The following CA8 variants were observed in gnomAD, a reference collection of about 807,000 sequenced individuals.
CA8 encodes the protein carbonic anhydrase-related protein.
A neutral mutation model predicts 41.4 loss-of-function variants in CA8; 22 were observed. That is an observed-to-expected ratio of 0.53 (90% CI 0.38 to 0.76). The LOEUF (loss-of-function observed/expected upper bound fraction) is 0.76. CA8 is among the 30% of genes least tolerant of loss of function. The pLI is 0.00. For synonymous variants in CA8, 121 were observed against 130.6 expected (o/e 0.93, Z 0.50); for missense variants, 270 against 352.8 (o/e 0.77, Z 1.88).
At chr8:60,275,347 T>A (rs191429014) in intron 2 of CA8, among the ~76,000 whole-genome samples, 7 of 150,862 alleles carry the variant, frequency 4.6e-5, no homozygotes, top group Middle Eastern at 3.4e-3. Context: ...GATGCCAATA[T>A]AAATAGAAAA....
At chr8:60,233,152 T>C (rs1451407852) in intron 3 of CA8, among the ~76,000 whole-genome samples, 1 of 152,238 alleles carries the variant, frequency 6.6e-6, no homozygotes, top group Non-Finnish European at 1.5e-5. Flanking sequence ...CCTAGTATAA[T>C]AGTAGGTAGG....
chr8:60,204,099 C>T (rs1043870017), intron 8 of CA8, among the ~76,000 whole-genome samples: 11 of 152,228 alleles, frequency 7.2e-5, no homozygotes, highest in African/African-American at 2.7e-4. Flanking sequence ...CACCTACTTA[C>T]AGGAAAGGTC....
chr8:60,241,444 T>C (rs1250449913), intron 3 of CA8, among the ~76,000 whole-genome samples: 1 of 152,232 alleles, frequency 6.6e-6, no homozygotes, highest in Non-Finnish European at 1.5e-5. Context: ...ACTAGTGCTA[T>C]GTAATTTATA....
At chr8:60,265,872 T>C in intron 3 of CA8, 53 bp downstream of exon 3, 1 of 1,582,808 alleles carries the variant, frequency 6.3e-7, no homozygotes, top group African/African-American at 1.3e-5. Context: ...AGTAAATCGC[T>C]GAATACTTTA....
chr8:60,208,632 T>G, intron 8 of CA8, 118 bp downstream of exon 8: 1 of 862,578 alleles, frequency 1.2e-6, no homozygotes, highest in Admixed American at 2.0e-5. Context: ...ATAAATTTTA[T>G]CAAGATGAAG....
chr8:60,186,464 A>G lies in CA8; in HGVS notation c.*3557T>C, dbSNP rs1207110815. Among the ~76,000 whole-genome samples the G allele has an allele frequency of 1.3e-5, 2 of 151,948 alleles. No individual in the cohort carries two copies. The highest frequency in any genetic ancestry group is 4.1e-4 in the South Asian group (2 of 4,830). ...TAGAAAATATTCACCTAATTAAAAA[A>G]AAAGTAATAGAGGAGGAATAAAGGA... is the stretch of plus-strand genomic sequence containing the variant. On this transcript the variant is annotated 3_prime_UTR_variant, in exon 9 of 9. Coordinates refer to ENST00000317995, the MANE Select transcript of CA8 (RefSeq NM_004056.6).
At chr8:60,253,657 T>A (rs1465581885) in intron 3 of CA8, among the ~76,000 whole-genome samples, 2 of 152,136 alleles carry the variant, frequency 1.3e-5, no homozygotes, top group African/African-American at 4.8e-5. Context: ...CTCCTCAACT[T>A]GACTCCAGGA....
chr8:60,208,029 T>C (rs984118711), intron 8 of CA8: 13 of 152,280 alleles, frequency 8.5e-5, no homozygotes, highest in Non-Finnish European at 1.6e-4. Flanking sequence ...TACAATGACC[T>C]ATGCACTTAG....
At chr8:60,267,905 A>C (rs541771535) in intron 2 of CA8, among the ~76,000 whole-genome samples, 2 of 152,314 alleles carry the variant, frequency 1.3e-5, no homozygotes, top group South Asian at 4.1e-4. Flanking sequence ...CCTCTTCAAT[A>C]AACATCCATT....
intron 8 of CA8, among the ~76,000 whole-genome samples, chr8:60,200,942 T>A (rs935774223): frequency 8.5e-5 from 13 of 152,148 alleles, no homozygotes; most frequent in Non-Finnish European, 1.9e-4. Flanking sequence ...GCCATAACAA[T>A]CCTATGTAGA....
chr8:60,277,886 A>G (rs1305036245), intron 2 of CA8, among the ~76,000 whole-genome samples: 1 of 152,168 alleles, frequency 6.6e-6, no homozygotes, highest in African/African-American at 2.4e-5. Flanking sequence ...AGAGAGGATA[A>G]GGGGAATCTG....
chr8:60,196,553 A>G (rs956634315), intron 8 of CA8, among the ~76,000 whole-genome samples: 2 of 152,208 alleles, frequency 1.3e-5, no homozygotes, highest in Non-Finnish European at 2.9e-5. Flanking sequence ...AGACATAAAA[A>G]AACTTTAATA....
chr8:60,228,061 A>C (rs7463084), intron 4 of CA8, among the ~76,000 whole-genome samples: 52,443 of 152,044 alleles, frequency 0.34, 9,676 homozygotes, highest in Admixed American at 0.43. Context: ...GAGTAGCTGT[A>C]GATATGTTTA....
At chr8:60,244,063 C>T (rs149969296) in intron 3 of CA8, among the ~76,000 whole-genome samples, 3 of 152,272 alleles carry the variant, frequency 2.0e-5, no homozygotes, top group Admixed American at 1.3e-4. Context: ...TTCCCTCCAC[C>T]GCCCCTCGGA....
intron 3 of CA8, among the ~76,000 whole-genome samples, chr8:60,258,343 T>C (rs1394806912): frequency 1.3e-5 from 2 of 152,212 alleles, no homozygotes; most frequent in Non-Finnish European, 2.9e-5. Context: ...ACAGATACAT[T>C]TGTATAGGAA....
chr8:60,232,713 C>T, intron 3 of CA8: 1 of 366,888 alleles, frequency 2.7e-6, no homozygotes, highest in South Asian at 2.4e-5. Flanking sequence ...AAACAAAACT[C>T]CAGGTCTGGG....
chr8:60,239,273 T>C (rs1407548554), intron 3 of CA8, among the ~76,000 whole-genome samples: 1 of 152,126 alleles, frequency 6.6e-6, no homozygotes, highest in African/African-American at 2.4e-5. Context: ...AATTCAGTTT[T>C]AGATAGGAGT....
Position 60,187,681 on chromosome 8 carries a change from C to T in CA8, c.*2340G>A, listed in dbSNP as rs1475608488. 3 of 152,112 alleles carry T rather than the reference C, an allele frequency of 2.0e-5. No homozygotes were observed. Among genetic ancestry groups the T allele is most frequent in the Admixed American group, 6.6e-5 (1 of 15,266 alleles). The allele number at this position is 152,112 out of a possible 1,614,324, so 9.4% of individuals were successfully genotyped here. ...GTATTACTTTACACACCATCAGGTA[C>T]GTTAGTTACCATGAATCAGAGGCAC... On this transcript the variant is annotated 3_prime_UTR_variant, in exon 9 of 9. Transcript: ENST00000317995.
At chr8:60,196,875 C>T (rs549562713) in intron 8 of CA8, among the ~76,000 whole-genome samples, 49 of 152,228 alleles carry the variant, frequency 3.2e-4, no homozygotes, top group African/African-American at 1.1e-3. Context: ...ACTAATGCCA[C>T]ATACATTGTG....
Sources: gnomAD v4.1 joint callset for allele counts (sites outside exome capture counted in the v4.1 genomes callset) on GRCh38, gnomAD v4.1.1 for gene constraint, MANE v1.5 for transcripts, NCBI Gene and HGNC (gene_info 2026-07-23, HGNC 2026-07-21) for gene names.